Variants in FAT3 observed in about 807,000 individuals in gnomAD.
FAT3 encodes the protein protocadherin Fat 3.
A neutral mutation model predicts 310.2 loss-of-function variants in FAT3; 95 were observed. The ratio of observed to expected loss-of-function variants is 0.31; its 90% CI spans 0.26 to 0.36. The LOEUF (loss-of-function observed/expected upper bound fraction) is 0.36, where lower values mean the gene tolerates loss of function less well. FAT3 is among the 10% of genes least tolerant of loss of function. The pLI, the probability that FAT3 is intolerant of heterozygous loss-of-function variation, is 1.00. For synonymous variants in FAT3, 2,314 were observed against 2,192.9 expected, an observed-to-expected ratio of 1.06 and a Z score of -1.54; for missense variants, 5,408 against 5,715.6, an observed-to-expected ratio of 0.95 and a Z score of 1.74.
intron 25 of FAT3, among the ~76,000 whole-genome samples, chr11:92,887,675 G>T (rs1193151360): frequency 6.6e-6 from 1 of 152,074 alleles, no homozygotes; most frequent in African/African-American, 2.4e-5. Flanking sequence ...GCAATTTCTC[G>T]TGGTTCACAG....
chr11:92,352,201 C>G lies in FAT3; in HGVS notation c.89C>G (p.Ser30Cys). 1 of 1,377,052 alleles carries G rather than the reference C, an allele frequency of 7.3e-7. No homozygotes were observed. Among genetic ancestry groups the G allele is most frequent in the Middle Eastern group, 2.1e-4 (1 of 4,816 alleles). 85.3% of individuals were successfully genotyped at this position (1,377,052 alleles called of 1,614,324 possible). ...CTTTTCAAGCTTTTGGCCACTGTCTCCCAGGGGCTGCCAGGGACTGGACCC... is the reference window on the plus strand; with the variant it reads ...CTTTTCAAGCTTTTGGCCACTGTCTGCCAGGGGCTGCCAGGGACTGGACCC... The part of the protein sequence containing the change: ...LLLFKLLATV[S>C]QGLPGTGPLG... The change falls in exon 2 of 28, where the codon TCC becomes TGC. Residue 30 changes from serine to cysteine, a missense_variant. By Grantham distance (112) the Ser-to-Cys change is moderately radical. Around this residue, in one of 5 missense-constraint regions of FAT3, gnomAD observed 152 missense variants for 188.3 expected, o/e 0.81. Transcript: ENST00000525166.
intron 1 of FAT3, among the ~76,000 whole-genome samples, chr11:92,331,464 C>T (rs965454723): frequency 6.6e-6 from 1 of 151,966 alleles, no homozygotes; most frequent in Non-Finnish European, 1.5e-5. Context: ...TGACACTAAA[C>T]ATAGCCCCTC....
At chr11:92,393,799 CA>C (rs1287780485) in intron 2 of FAT3, among the ~76,000 whole-genome samples, 1 of 152,122 alleles carries the variant, frequency 6.6e-6, no homozygotes, top group African/African-American at 2.4e-5. Flanking sequence ...CACTCAGAAG[CA>C]GTTGTTTTTG....
intron 19 of FAT3, among the ~76,000 whole-genome samples, chr11:92,854,360 C>T (rs1948915119): frequency 6.6e-6 from 1 of 152,116 alleles, no homozygotes; most frequent in African/African-American, 2.4e-5. Flanking sequence ...TGTGGCTGGG[C>T]AGCTGTGGCT....
intron 1 of FAT3, among the ~76,000 whole-genome samples, chr11:92,328,588 A>C (rs1185729176): frequency 2.0e-5 from 3 of 152,180 alleles, no homozygotes; most frequent in African/African-American, 7.2e-5. Context: ...CTTGCACTCA[A>C]GTCTTCCCAT....
At chr11:92,281,041 G>A (rs1946406331) in intron 1 of FAT3, among the ~76,000 whole-genome samples, 1 of 152,070 alleles carries the variant, frequency 6.6e-6, no homozygotes, top group South Asian at 2.1e-4. Context: ...AAAAAATACT[G>A]TATTTGAAGC....
chr11:92,847,880 G>C (rs942112436), intron 19 of FAT3, among the ~76,000 whole-genome samples: 5 of 151,808 alleles, frequency 3.3e-5, no homozygotes, highest in African/African-American at 1.2e-4. Flanking sequence ...TTATTGGAAA[G>C]GAAAAATAAT....
chr11:92,526,476 T>C (rs1481354425), intron 3 of FAT3, among the ~76,000 whole-genome samples: 1 of 152,158 alleles, frequency 6.6e-6, no homozygotes, highest in Non-Finnish European at 1.5e-5. Context: ...GCTACTTGAG[T>C]CATTAATGGT....
chr11:92,625,516 A>G (rs904841213), intron 3 of FAT3, among the ~76,000 whole-genome samples: 3 of 152,186 alleles, frequency 2.0e-5, no homozygotes, highest in Non-Finnish European at 2.9e-5. Flanking sequence ...GCTCTCCACA[A>G]TCATACTGTC....
intron 18 of FAT3, among the ~76,000 whole-genome samples, chr11:92,840,978 G>C (rs1382651109): frequency 1.3e-5 from 2 of 152,180 alleles, no homozygotes; most frequent in Non-Finnish European, 2.9e-5. Flanking sequence ...TGTTCAGGAA[G>C]GACATTCCTG....
intron 3 of FAT3, among the ~76,000 whole-genome samples, chr11:92,563,669 T>A (rs1425103917): frequency 6.6e-6 from 1 of 151,998 alleles, no homozygotes; most frequent in Non-Finnish European, 1.5e-5. Flanking sequence ...GGGAAGCCCA[T>A]CAGACTAACA....
intron 4 of FAT3, among the ~76,000 whole-genome samples, chr11:92,754,971 G>T: frequency 6.6e-6 from 1 of 152,058 alleles, no homozygotes; most frequent in East Asian, 1.9e-4. Context: ...AAAGATAAAT[G>T]CCACATGATC....
intron 22 of FAT3, among the ~76,000 whole-genome samples, chr11:92,878,634 T>TAAAAAAAAAAAAAAAAA (rs145900689): frequency 1.9e-4 from 4 of 21,222 alleles, no homozygotes; most frequent in Admixed American, 6.2e-4. Context: ...TGTTATGTGT[T>TAAAAAAAAAAAAAAAAA]AAAAAAAAAA....
chr11:92,884,203 G>T (rs1046454301), intron 24 of FAT3, among the ~76,000 whole-genome samples: 1 of 152,202 alleles, frequency 6.6e-6, no homozygotes, highest in African/African-American at 2.4e-5. Flanking sequence ...GTTGGAGCTT[G>T]CTGAGCACCA....
Position 92,236,457 on chromosome 11 carries a change from G to A in FAT3, c.-18+11283G>A, listed in dbSNP as rs370062718. On this transcript the variant is annotated intron_variant, in intron 1 of 27. Transcript: ENST00000525166. ...GGGCAGGCTGGTGAAATCAACACGT[G>A]AGCAGGTGCGTGTCTTGGGAATGTC... Among the ~76,000 whole-genome samples the A allele has an allele frequency of 8.7e-4, 132 of 152,174 alleles. No homozygotes were observed. In the Middle Eastern group the frequency reaches 0.01, roughly 12 times the overall value.
chr11:92,405,744 C>A (rs766551053), intron 2 of FAT3, among the ~76,000 whole-genome samples: 110 of 151,770 alleles, frequency 7.2e-4, no homozygotes, highest in Non-Finnish European at 5.4e-4. Context: ...GAAGCAAGAC[C>A]CCGTCTCACA....
Position 92,259,023 on chromosome 11 carries a change from G to A in FAT3, c.-18+33849G>A, listed in dbSNP as rs191661512. ...GTGGTTGGGCTGTGTGTGGGGGGCG[G>A]GGGTGGAAGTTGTTGGGCAGGAAAG... On this transcript the variant is annotated intron_variant, in intron 1 of 27. Coordinates refer to ENST00000525166, the MANE Select transcript of FAT3 (RefSeq NM_001367949.2). Among the ~76,000 whole-genome samples the A allele has an allele frequency of 1.5e-3, 223 of 151,986 alleles. 2 individuals are homozygous for A. The highest frequency in any genetic ancestry group is 0.011 in the Admixed American group (165 of 15,236).
chr11:92,555,837 A>C (rs1954997964), intron 3 of FAT3, among the ~76,000 whole-genome samples: 1 of 152,246 alleles, frequency 6.6e-6, no homozygotes, highest in Non-Finnish European at 1.5e-5. Context: ...CACTCACCAC[A>C]GACCTTACAT....
At chr11:92,705,704 C>CGTG (rs1346345638) in intron 4 of FAT3, among the ~76,000 whole-genome samples, 3 of 6,718 alleles carry the variant, frequency 4.5e-4, no homozygotes, top group Non-Finnish European at 8.5e-4. Context: ...GTGGTGTGAT[C>CGTG]GTGGTGGTGG....
Sources: gnomAD v4.1 joint callset for allele counts (sites outside exome capture counted in the v4.1 genomes callset) on GRCh38, gnomAD v4.1.1 for gene constraint, gnomAD v4.1.1 regional missense constraint, MANE v1.5 for transcripts, NCBI Gene and HGNC (gene_info 2026-07-23, HGNC 2026-07-21) for gene names.